The following IL1RAPL1 variants were observed in gnomAD, a reference collection of about 807,000 sequenced individuals.
IL1RAPL1 encodes interleukin-1 receptor accessory protein-like 1.
Under a neutral mutation model 48.4 loss-of-function variants are expected in IL1RAPL1, and 3 were observed. The observed-to-expected ratio is 0.06, with a 90% confidence interval of 0.03 to 0.16. The LOEUF is 0.16. Ranked by LOEUF, IL1RAPL1 falls within the 10% of genes least tolerant of loss-of-function variation. The pLI, the probability that IL1RAPL1 is intolerant of heterozygous loss-of-function variation, is 1.00. For missense variants in IL1RAPL1, 349 were observed against 530.6 expected, an observed-to-expected ratio of 0.66 and a Z score of 3.36; for synonymous variants, 185 against 187.7, an observed-to-expected ratio of 0.99 and a Z score of 0.12.
At chrX:28,860,832 G>A (rs1218773313) in intron 2 of IL1RAPL1, among the ~76,000 whole-genome samples, 1 of 110,788 alleles carries the variant, frequency 9.0e-6, no homozygotes, top group Admixed American at 9.7e-5. Flanking sequence ...GTTGTCCCTA[G>A]GACTTTACCA....
intron 2 of IL1RAPL1, among the ~76,000 whole-genome samples, chrX:28,978,754 T>C (rs1249641731): frequency 9.0e-6 from 1 of 111,330 alleles, no homozygotes; most frequent in Non-Finnish European, 1.9e-5. Flanking sequence ...GTAACCGGGG[T>C]TTAAGATTTA....
At chrX:29,717,241 C>CACACACACACACACACACA in intron 6 of IL1RAPL1, among the ~76,000 whole-genome samples, 1 of 109,557 alleles carries the variant, frequency 9.1e-6, no homozygotes, top group Admixed American at 9.8e-5. Flanking sequence ...CACACACGAA[C>CACACACACACACACACACA]AAGAATAAAT....
At chrX:29,822,140 T>C (rs1419382520) in intron 6 of IL1RAPL1, among the ~76,000 whole-genome samples, 4 of 112,109 alleles carry the variant, frequency 3.6e-5, no homozygotes, top group Admixed American at 2.9e-4. Context: ...ATCTAGTTTT[T>C]TTTTTAAATT....
At chrX:29,174,670 A>AG (rs907229942) in intron 2 of IL1RAPL1, among the ~76,000 whole-genome samples, 2 of 77,559 alleles carry the variant, frequency 2.6e-5, no homozygotes, top group African/African-American at 4.0e-5. Flanking sequence ...AGTAAAGTAC[A>AG]GAAAAAAAAC....
chrX:28,808,773 G>A (rs780410807), intron 2 of IL1RAPL1, among the ~76,000 whole-genome samples: 3 of 110,639 alleles, frequency 2.7e-5, no homozygotes, highest in Non-Finnish European at 5.7e-5. Flanking sequence ...AAGAGGTTAC[G>A]TTACTCTTTG....
intron 1 of IL1RAPL1, among the ~76,000 whole-genome samples, chrX:28,632,863 C>A (rs1230909809): frequency 9.6e-6 from 1 of 104,659 alleles, no homozygotes; most frequent in Non-Finnish European, 1.9e-5. Context: ...TGAAATGTAA[C>A]CTCTAGAAAA....
intron 6 of IL1RAPL1, among the ~76,000 whole-genome samples, chrX:29,830,354 G>C (rs975743411): frequency 1.8e-5 from 2 of 110,035 alleles, no homozygotes; most frequent in African/African-American, 3.3e-5. Context: ...CACTTTAATT[G>C]TGCTAATATT....
rs186310855 is a variant in IL1RAPL1 at position 29,009,399 on chromosome X, A to T, written c.82+219974A>T. Among the ~76,000 whole-genome samples the T allele has an allele frequency of 6.2e-5, 7 of 112,521 alleles. No individual in the cohort carries two copies. The East Asian group carries it at 2.0e-3, about 32-fold the overall frequency. ...ACCTATACATAAAGTTTGAGGTCTTACATTTAAATCTCTAATCCATCTTGA... is the reference window on the plus strand; with the variant it reads ...ACCTATACATAAAGTTTGAGGTCTTTCATTTAAATCTCTAATCCATCTTGA... On this transcript the variant is annotated intron_variant, in intron 2 of 10. Coordinates refer to ENST00000378993, the MANE Select transcript of IL1RAPL1 (RefSeq NM_014271.4).
In IL1RAPL1 at chrX:29,470,022, T is replaced by C. The variant is rs763494152; in HGVS notation, c.703+70714T>C. ...TTCAGTTTGCTGGAATTAATAGTTA[T>C]TTTACCTGTCAAACTGTAGTACCAT... On this transcript the variant is annotated intron_variant, in intron 5 of 10. Transcript: ENST00000378993. Among the ~76,000 whole-genome samples, 4 of 112,159 alleles carry C rather than the reference T, an allele frequency of 3.6e-5. No individual in the cohort carries two copies. In the South Asian group the frequency reaches 1.5e-3, roughly 42 times the overall value.
rs139619188 is a variant in IL1RAPL1 at position 28,760,975 on chromosome X, A to G, written c.-24-28345A>G. Reference sequence around the variant, plus strand: ...GTGGCGTGCGGTTATAGTCCCAGCTACTTAGGAGGCTGAGGTGGGAGAATT... The same window carrying G: ...GTGGCGTGCGGTTATAGTCCCAGCTGCTTAGGAGGCTGAGGTGGGAGAATT... On this transcript the variant is annotated intron_variant, in intron 1 of 10. Transcript: ENST00000378993. Among the ~76,000 whole-genome samples the G allele has an allele frequency of 4.0e-3, 435 of 109,004 alleles. 8 individuals are homozygous for G. The highest frequency in any genetic ancestry group is 0.014 in the African/African-American group (414 of 29,849). 94.7% of individuals were successfully genotyped at this position (109,004 alleles called of 115,157 possible).
At chrX:29,200,876 T>A (rs926007719) in intron 2 of IL1RAPL1, among the ~76,000 whole-genome samples, 2 of 111,405 alleles carry the variant, frequency 1.8e-5, no homozygotes, top group African/African-American at 6.5e-5. Context: ...GTTTGTTACA[T>A]GGGTAAACTT....
At chrX:29,248,404 C>A (rs1453541719) in intron 2 of IL1RAPL1, among the ~76,000 whole-genome samples, 1 of 111,378 alleles carries the variant, frequency 9.0e-6, no homozygotes, top group Non-Finnish European at 1.9e-5. Flanking sequence ...GCCTGGGCGA[C>A]AGAGCGAGAC....
At chrX:29,615,704 G>A (rs1321619522) in intron 5 of IL1RAPL1, among the ~76,000 whole-genome samples, 1 of 111,673 alleles carries the variant, frequency 9.0e-6, no homozygotes. Context: ...AAAAAAAAAA[G>A]TTTTTCAATC....
chrX:29,802,769 ATATATATATATATGTGTGTG>A lies in IL1RAPL1; in HGVS notation c.779-114693_779-114674del, dbSNP rs1372491872. The stretch of plus-strand genomic sequence containing the variant: ...AAATTATATATATATATATATATAT[ATATATATATATATGTGTGTG>A]TGTATATATATATATATATATGTGT... On this transcript the variant is annotated intron_variant, in intron 6 of 10. Transcript: ENST00000378993. Among the ~76,000 whole-genome samples the A allele has an allele frequency of 6.0e-3, 166 of 27,620 alleles. 2 individuals are homozygous for A. Among genetic ancestry groups the A allele is most frequent in the Middle Eastern group, 0.017 (1 of 59 alleles). The allele number at this position is 27,620 out of a possible 115,157, so 24.0% of individuals were successfully genotyped here.
At chrX:29,066,762 TGGA>T (rs1363252845) in intron 2 of IL1RAPL1, among the ~76,000 whole-genome samples, 1 of 111,765 alleles carries the variant, frequency 8.9e-6, no homozygotes, top group Non-Finnish European at 1.9e-5. Flanking sequence ...AGGAATTGGG[TGGA>T]GGAGGGGAGC....
intron 5 of IL1RAPL1, among the ~76,000 whole-genome samples, chrX:29,651,460 CA>C (rs1460226327): frequency 1.1e-4 from 12 of 111,009 alleles, no homozygotes; most frequent in African/African-American, 3.9e-4. Flanking sequence ...GAAATCTTGT[CA>C]TTTGCAACAA....
intron 1 of IL1RAPL1, among the ~76,000 whole-genome samples, chrX:28,604,072 A>G (rs1015592429): frequency 5.3e-5 from 6 of 112,607 alleles, no homozygotes; most frequent in African/African-American, 1.9e-4. Flanking sequence ...ACTGAAGCCT[A>G]CAGTTAGATG....
At chrX:28,607,269 G>A (rs1188141025) in intron 1 of IL1RAPL1, among the ~76,000 whole-genome samples, 1 of 110,805 alleles carries the variant, frequency 9.0e-6, no homozygotes, top group African/African-American at 3.3e-5. Context: ...AGATCTGACT[G>A]TAGATGCAGA....
intron 6 of IL1RAPL1, among the ~76,000 whole-genome samples, chrX:29,898,668 G>C (rs776801463): frequency 1.8e-5 from 2 of 109,004 alleles, no homozygotes; most frequent in Non-Finnish European, 3.8e-5. Context: ...GATAGAATAC[G>C]AATAGTGTGA....
Sources: allele counts gnomAD v4.1 joint callset (sites outside exome capture counted in the v4.1 genomes callset), GRCh38; gene constraint gnomAD v4.1.1; transcripts MANE v1.5; gene names NCBI Gene and HGNC (gene_info 2026-07-23, HGNC 2026-07-21).